Variants in HLCS observed in about 807,000 individuals in gnomAD.
The protein encoded by HLCS is holocarboxylase synthetase, also known as biotin--protein ligase.
Under a neutral mutation model 75.0 loss-of-function variants are expected in HLCS, and 53 were observed. The ratio of observed to expected loss-of-function variants is 0.71; its 90% CI spans 0.57 to 0.89. HLCS has a LOEUF of 0.89. Among genes scored for constraint, HLCS ranks in the 40% least tolerant of loss-of-function variants. HLCS has a pLI of 0.00. For missense variants in HLCS, 966 were observed against 1,074.0 expected (o/e 0.90, Z 1.41); for synonymous variants, 431 against 428.6 (o/e 1.01, Z -0.07).
chr21:36,887,361 T>C (rs181572266), intron 6 of HLCS, among the ~76,000 whole-genome samples: 11 of 152,162 alleles, frequency 7.2e-5, no homozygotes, highest in Admixed American at 6.5e-4. Context: ...TGCACCTAAA[T>C]AGAACACATT....
At chr21:36,948,728 CAAAAAAAAAAA>C (rs58685577) in intron 2 of HLCS, among the ~76,000 whole-genome samples, 25 of 55,874 alleles carry the variant, frequency 4.5e-4, no homozygotes, top group East Asian at 1.4e-3. Context: ...GACCCTGTCT[CAAAAAAAAAAA>C]AAAAAAAAAA....
intron 6 of HLCS, among the ~76,000 whole-genome samples, chr21:36,859,035 T>C (rs1019173421): frequency 6.6e-6 from 1 of 152,178 alleles, no homozygotes; most frequent in Non-Finnish European, 1.5e-5. Flanking sequence ...TTTTTTGTTT[T>C]GTTTTGAGAT....
At chr21:36,837,178 G>A (rs910064272) in intron 6 of HLCS, among the ~76,000 whole-genome samples, 7 of 152,142 alleles carry the variant, frequency 4.6e-5, no homozygotes, top group Admixed American at 1.3e-4. Context: ...GCAAGAGTCC[G>A]TCTCAAAAAA....
chr21:36,831,338 G>C (rs965200389), intron 6 of HLCS, among the ~76,000 whole-genome samples: 1 of 152,132 alleles, frequency 6.6e-6, no homozygotes. Context: ...AGAAATCTTT[G>C]AGGGTAGCCA....
At chr21:36,906,810 C>T (rs909381195) in intron 5 of HLCS, among the ~76,000 whole-genome samples, 7 of 151,768 alleles carry the variant, frequency 4.6e-5, no homozygotes, top group African/African-American at 1.7e-4. Flanking sequence ...TATAAAGTTG[C>T]AGTATATCAA....
chr21:36,824,446 G>A (rs1188343986), intron 6 of HLCS, among the ~76,000 whole-genome samples: 4 of 152,116 alleles, frequency 2.6e-5, no homozygotes, highest in Non-Finnish European at 5.9e-5. Flanking sequence ...GTCAGAGAAG[G>A]GAAAAGGGGA....
At chr21:36,961,553 T>G (rs760274125) in intron 2 of HLCS, among the ~76,000 whole-genome samples, 2 of 152,052 alleles carry the variant, frequency 1.3e-5, no homozygotes, top group Middle Eastern at 3.4e-3. Flanking sequence ...AGCAGCCACA[T>G]TAAAAACATA....
At chr21:36,850,575 A>G (rs1205649900) in intron 6 of HLCS, among the ~76,000 whole-genome samples, 1 of 152,130 alleles carries the variant, frequency 6.6e-6, no homozygotes, top group East Asian at 1.9e-4. Context: ...CATGGACCAC[A>G]CACGCATGCC....
chr21:36,860,678 T>G (rs886259552), intron 6 of HLCS, among the ~76,000 whole-genome samples: 3 of 152,246 alleles, frequency 2.0e-5, no homozygotes, highest in African/African-American at 7.2e-5. Context: ...TCTTAGAAAT[T>G]CACCTGATAG....
intron 1 of HLCS, among the ~76,000 whole-genome samples, chr21:36,966,170 C>G (rs1427324847): frequency 6.6e-6 from 1 of 152,216 alleles, no homozygotes; most frequent in Non-Finnish European, 1.5e-5. Flanking sequence ...GCTGTCAATC[C>G]ACAGCTCACG....
chr21:36,761,590 G>C lies in HLCS; in HGVS notation c.2122-1749C>G, dbSNP rs1601123931. On this transcript the variant is annotated intron_variant, in intron 8 of 10. Transcript: ENST00000674895. ...CTTCCCTGGTTGTCACAGCCTGAGG[G>C]AGTGCTACCGGCGTCTAGAGAGTAG... is the stretch of plus-strand genomic sequence containing the variant. Among the ~76,000 whole-genome samples the C allele has an allele frequency of 2.0e-5, 3 of 152,138 alleles. No homozygotes were observed. The South Asian group carries it at 6.2e-4, about 32-fold the overall frequency.
rs765854752 is a variant in HLCS at position 36,936,609 on chromosome 21, T to C, written c.1277A>G (p.Glu426Gly). 1 of 1,614,196 alleles carries C rather than the reference T, an allele frequency of 6.2e-7. No homozygotes were observed. Among genetic ancestry groups the C allele is most frequent in the South Asian group, 1.1e-5 (1 of 91,084 alleles). The change falls in exon 4 of 11, where the codon GAG (glutamate) becomes GGG (glycine). Residue 426 changes from glutamate (E) to glycine (G), a missense_variant. Glu to Gly is a moderately conservative substitution (Grantham distance 98). Coordinates refer to ENST00000674895, the MANE Select transcript of HLCS (RefSeq NM_001352514.2). ...NLVFSKADQS[E>G]VKLSVLSSGC... ...ACTGCTCAAGACGCTGAGCTTCACC[T>C]CGCTCTGGTCAGCCTTGGAGAAAAC...
chr21:36,929,348 G>C (rs2066536263), intron 5 of HLCS, among the ~76,000 whole-genome samples: 1 of 152,192 alleles, frequency 6.6e-6, no homozygotes, highest in Admixed American at 6.5e-5. Context: ...GAAGGTCTAG[G>C]GGACTGGCAG....
At chr21:36,807,923 C>T (rs1250460775) in intron 6 of HLCS, among the ~76,000 whole-genome samples, 1 of 152,054 alleles carries the variant, frequency 6.6e-6, no homozygotes, top group Admixed American at 6.6e-5. Context: ...AAAGAATCAG[C>T]TAAAAACTAT....
intron 5 of HLCS, among the ~76,000 whole-genome samples, chr21:36,921,507 T>C (rs953336262): frequency 2.0e-5 from 3 of 152,222 alleles, no homozygotes; most frequent in Admixed American, 6.5e-5. Flanking sequence ...TTTTCCTTAA[T>C]GCATGTAGGA....
At chr21:36,859,374 C>T (rs971262540) in intron 6 of HLCS, among the ~76,000 whole-genome samples, 1 of 152,168 alleles carries the variant, frequency 6.6e-6, no homozygotes, top group Non-Finnish European at 1.5e-5. Context: ...TGACTTGGTT[C>T]TCCTAGAACC....
intron 5 of HLCS, among the ~76,000 whole-genome samples, chr21:36,898,446 C>CA (rs58625493): frequency 0.012 from 601 of 49,440 alleles, 18 homozygotes; most frequent in East Asian, 0.031. Flanking sequence ...AACTCCATCT[C>CA]AAAAAAAAAA....
chr21:36,832,553 C>T (rs557008767), intron 6 of HLCS, among the ~76,000 whole-genome samples: 2 of 152,160 alleles, frequency 1.3e-5, no homozygotes, highest in African/African-American at 4.8e-5. Flanking sequence ...ACAGCCATTG[C>T]TCATTTAATA....
At chr21:36,969,146 G>A (rs2068717820), upstream of HLCS, among the ~76,000 whole-genome samples, 1 of 152,174 alleles carries the variant, frequency 6.6e-6, no homozygotes, top group South Asian at 2.1e-4. Context: ...AGTGAGAAGT[G>A]AAACAGTCAC....
Sources: allele counts gnomAD v4.1 joint callset (sites outside exome capture counted in the v4.1 genomes callset), GRCh38; gene constraint gnomAD v4.1.1; transcripts MANE v1.5; gene names NCBI Gene and HGNC (gene_info 2026-07-23, HGNC 2026-07-21).